Variants in YWHAQ observed in about 807,000 individuals in gnomAD.
YWHAQ encodes 14-3-3 protein theta.
A neutral mutation model predicts 28.3 loss-of-function variants in YWHAQ; 6 were observed. The ratio of observed to expected loss-of-function variants is 0.21; its 90% CI spans 0.12 to 0.42. The LOEUF (loss-of-function observed/expected upper bound fraction) is 0.42, where lower values mean the gene tolerates loss of function less well. Among genes scored for constraint, YWHAQ ranks in the 10% least tolerant of loss-of-function variants. The pLI is 1.00. For synonymous variants in YWHAQ, 143 were observed against 119.1 expected (o/e 1.20, Z -1.31); for missense variants, 201 against 305.6 (o/e 0.66, Z 2.55).
At chr2:9,605,854 G>T (rs552878324) in intron 2 of YWHAQ, among the ~76,000 whole-genome samples, 37 of 151,902 alleles carry the variant, frequency 2.4e-4, no homozygotes, top group Middle Eastern at 3.4e-3. Flanking sequence ...GAGCCACCGC[G>T]CCCAGCCTCT....
chr2:9,595,738 A>G (rs1009204091), intron 2 of YWHAQ, among the ~76,000 whole-genome samples: 1 of 150,184 alleles, frequency 6.7e-6, no homozygotes, highest in African/African-American at 2.5e-5. Context: ...ACGGGAGTAT[A>G]GTTAGATGTT....
intron 2 of YWHAQ, among the ~76,000 whole-genome samples, chr2:9,596,418 T>G (rs1275885519): frequency 1.3e-5 from 2 of 152,214 alleles, no homozygotes; most frequent in Non-Finnish European, 2.9e-5. Flanking sequence ...GCGATTTCCA[T>G]TTTACAGAGT....
chr2:9,630,252 C>T lies in YWHAQ; in HGVS notation c.201G>A (p.Gln67=), dbSNP rs1158242991. The T allele has an allele frequency of 6.2e-7, 1 of 1,614,200 alleles. No homozygotes were observed. The highest frequency in any genetic ancestry group is 1.7e-5 in the Admixed American group (1 of 60,034). ...SAWRVISSIE[Q]KTDTSDKKLQ... ...ACTTCTTGTCGGAGGTGTCGGTCTT[C>T]TGCTCGATGCTAGAGATGACCCTCC... The change falls in exon 2 of 6, where the codon CAG becomes CAA. Residue 67 remains glutamine, a synonymous_variant. Coordinates refer to ENST00000238081, the MANE Select transcript of YWHAQ (RefSeq NM_006826.4). The surrounding 1 kb of genome is among the most constrained non-coding windows in gnomAD (Gnocchi z 5.6).
At chr2:9,608,063 C>A (rs1666871154) in intron 2 of YWHAQ, among the ~76,000 whole-genome samples, 1 of 151,976 alleles carries the variant, frequency 6.6e-6, no homozygotes, top group Non-Finnish European at 1.5e-5. Context: ...AAACACACTG[C>A]ATTCACTTTC....
intron 4 of YWHAQ, 133 bp downstream of exon 4, chr2:9,588,032 A>C (rs1420739260): frequency 3.5e-6 from 4 of 1,146,788 alleles, no homozygotes; most frequent in Non-Finnish European, 4.7e-6. Flanking sequence ...TGATGGGAAG[A>C]AAAAGAGGAG....
chr2:9,608,488 A>G (rs1666879472), intron 2 of YWHAQ, among the ~76,000 whole-genome samples: 1 of 152,228 alleles, frequency 6.6e-6, no homozygotes, highest in African/African-American at 2.4e-5. Context: ...GGTGCTAGTC[A>G]AACGTTTATT....
intron 2 of YWHAQ, chr2:9,615,378 A>C (rs1667022562): frequency 6.6e-6 from 1 of 151,870 alleles, no homozygotes; most frequent in Admixed American, 6.5e-5. Flanking sequence ...TCTTAAAAAG[A>C]ATTTTTTTCA....
chr2:9,630,006 G>A lies in YWHAQ; in HGVS notation c.294+153C>T, dbSNP rs938210264. Among the ~76,000 whole-genome samples, 14 of 152,112 alleles carry A rather than the reference G, an allele frequency of 9.2e-5. No individual in the cohort carries two copies. The highest frequency in any genetic ancestry group is 2.4e-4 in the African/African-American group (10 of 41,414). On this transcript the variant is annotated intron_variant, in intron 2 of 5. Coordinates refer to ENST00000238081, the MANE Select transcript of YWHAQ (RefSeq NM_006826.4). The surrounding 1 kb of genome is among the most constrained non-coding windows in gnomAD (Gnocchi z 5.6). Reference sequence around the variant, plus strand: ...GCTTCTTGAGTCTCAACAACCGGAGGGACACAGTAGGGAAGTCAGGGCTCA... The same window carrying A: ...GCTTCTTGAGTCTCAACAACCGGAGAGACACAGTAGGGAAGTCAGGGCTCA...
intron 2 of YWHAQ, among the ~76,000 whole-genome samples, chr2:9,628,552 A>G (rs189638151): frequency 1.3e-5 from 2 of 152,362 alleles, no homozygotes; most frequent in East Asian, 3.9e-4. Context: ...AAAGCAATAA[A>G]CTGAACAGAA....
intron 2 of YWHAQ, among the ~76,000 whole-genome samples, chr2:9,621,971 G>T (rs1205685491): frequency 2.0e-5 from 3 of 152,118 alleles, no homozygotes; most frequent in African/African-American, 7.2e-5. Flanking sequence ...TCACTTACAA[G>T]TGGGAGTTGA....
At chr2:9,605,134 TTC>T (rs1204890661) in intron 2 of YWHAQ, among the ~76,000 whole-genome samples, 6 of 116,040 alleles carry the variant, frequency 5.2e-5, no homozygotes, top group Admixed American at 3.2e-4. Context: ...CCCCATTCTG[TTC>T]TCTCTTTTTT....
intron 2 of YWHAQ, among the ~76,000 whole-genome samples, chr2:9,592,078 C>G (rs1045490060): frequency 4.6e-5 from 7 of 152,122 alleles, no homozygotes; most frequent in Non-Finnish European, 1.0e-4. Flanking sequence ...GGGATGTGCA[C>G]TCATTTTAGG....
chr2:9,585,863 T>C (rs1666333553), intron 5 of YWHAQ, among the ~76,000 whole-genome samples: 1 of 146,694 alleles, frequency 6.8e-6, no homozygotes, highest in African/African-American at 2.5e-5. Context: ...GAGTGATCCA[T>C]GATTATGACA....
intron 2 of YWHAQ, among the ~76,000 whole-genome samples, chr2:9,612,726 T>C (rs1029124158): frequency 6.6e-6 from 1 of 152,084 alleles, no homozygotes; most frequent in Admixed American, 6.5e-5. Context: ...GGGAGGAAAG[T>C]TTAAAAAGCA....
At chr2:9,620,897 G>C (rs756480798) in intron 2 of YWHAQ, among the ~76,000 whole-genome samples, 1 of 152,096 alleles carries the variant, frequency 6.6e-6, no homozygotes, top group African/African-American at 2.4e-5. Context: ...TAAAATTCTC[G>C]TAGAACAGCA....
chr2:9,630,143 C>A lies in YWHAQ; in HGVS notation c.294+16G>T. The A allele has an allele frequency of 6.2e-7, 1 of 1,601,116 alleles. No homozygotes were observed. The highest frequency in any genetic ancestry group is 1.1e-5 in the South Asian group (1 of 90,798). On this transcript the variant is annotated intron_variant, in intron 2 of 5. Transcript: ENST00000238081. This position sits in a 1 kb window ranked among gnomAD's most constrained non-coding sequence, Gnocchi z 5.6. Reference sequence around the variant, plus strand: ...CTCACAAAAGGCCTCCCCTGCTCCCCGCGCCGAGGACTCACCAGCACCGTG... The same window carrying A: ...CTCACAAAAGGCCTCCCCTGCTCCCAGCGCCGAGGACTCACCAGCACCGTG...
At chr2:9,602,829 TAAAAAAA>T (rs869073430) in intron 2 of YWHAQ, among the ~76,000 whole-genome samples, 9 of 37,190 alleles carry the variant, frequency 2.4e-4, no homozygotes, top group Admixed American at 5.1e-4. Context: ...ATGCCTAATT[TAAAAAAA>T]AAAAAAAAAA....
At chr2:9,599,875 C>T (rs1395155888) in intron 2 of YWHAQ, among the ~76,000 whole-genome samples, 1 of 152,060 alleles carries the variant, frequency 6.6e-6, no homozygotes, top group African/African-American at 2.4e-5. Flanking sequence ...TTTCGTAAGG[C>T]CATAGCTGTC....
Position 9,630,172 on chromosome 2 carries a change from C to G in YWHAQ, c.281G>C (p.Cys94Ser), listed in dbSNP as rs1455899719. 7 of 1,613,578 alleles carry G rather than the reference C, an allele frequency of 4.3e-6. No individual in the cohort carries two copies. The highest frequency in any genetic ancestry group is 5.9e-6 in the Non-Finnish European group (7 of 1,179,974). Residue 94 changes from cysteine (C) to serine (S), a missense_variant, in exon 2 of 6, where the codon TGC becomes TCC. Physicochemically the swap from Cys to Ser is moderately radical, Grantham distance 112. Transcript: ENST00000238081. The surrounding 1 kb of genome is among the most constrained non-coding windows in gnomAD (Gnocchi z 5.6). ...EKVESELRSI[C>S]TTVLELLDKY... is the part of the protein sequence containing the mutation. ...CCGAGGACTCACCAGCACCGTGGTG[C>G]AGATGGATCTCAGCTCGGACTCCAC... is the stretch of plus-strand genomic sequence containing the variant.
Sources: allele counts gnomAD v4.1 joint callset (sites outside exome capture counted in the v4.1 genomes callset), GRCh38; gene constraint gnomAD v4.1.1; non-coding constraint Gnocchi (gnomAD v3.1); transcripts MANE v1.5; gene names NCBI Gene and HGNC (gene_info 2026-07-23, HGNC 2026-07-21).